Variants in HADHB observed in about 807,000 individuals in gnomAD.
HADHB encodes the protein trifunctional enzyme subunit beta, mitochondrial.
In HADHB, 50 loss-of-function variants were observed where a neutral mutation model predicts 61.9. The ratio of observed to expected loss-of-function variants is 0.81; its 90% CI spans 0.64 to 1.02. The LOEUF (loss-of-function observed/expected upper bound fraction) is 1.02, where lower values mean the gene tolerates loss of function less well. Among genes scored for constraint, HADHB ranks in the 50% least tolerant of loss-of-function variants. HADHB has a pLI of 0.00. For missense variants in HADHB, 504 were observed against 586.5 expected, an observed-to-expected ratio of 0.86 and a Z score of 1.45; for synonymous variants, 191 against 201.6, an observed-to-expected ratio of 0.95 and a Z score of 0.45.
Position 26,280,066 on chromosome 2 carries a change from C to T in HADHB, c.884C>T (p.Ala295Val). The change falls in exon 10 of 16, where the codon GCA becomes GTA. Residue 295 changes from alanine (A) to valine (V), a missense_variant. Transcript: ENST00000317799. ...GAGCAGATGGCCAAACTAAAACCTG[C>T]ATTCATCAAGCCCTACGGCACAGTG... ...SLEQMAKLKP[A>V]FIKPYGTVTA... 1 of 1,611,076 alleles carries T rather than the reference C, an allele frequency of 6.2e-7. No individual in the cohort carries two copies.
Position 26,263,602 on chromosome 2 carries a change from C to T in HADHB, c.209+123C>T, listed in dbSNP as rs1015173337. The T allele has an allele frequency of 8.2e-6, 6 of 728,562 alleles. No homozygotes were observed. The African/African-American group carries it at 1.0e-4, about 13-fold the overall frequency. 45.1% of individuals were successfully genotyped at this position (728,562 alleles called of 1,614,324 possible). A position where few individuals can be genotyped will look rare whatever the true frequency, so the allele number is the denominator to read the frequency against. On this transcript the variant is annotated intron_variant, in intron 4 of 15. Transcript: ENST00000317799. Reference sequence around the variant, plus strand: ...TGGACTAATATTTGGATAGCAGTCCCATGAAATTAATATAGAATAAGTCAA... The same window carrying T: ...TGGACTAATATTTGGATAGCAGTCCTATGAAATTAATATAGAATAAGTCAA...
At chr2:26,245,980 G>A (rs1671138023) in intron 1 of HADHB, among the ~76,000 whole-genome samples, 1 of 152,184 alleles carries the variant, frequency 6.6e-6, no homozygotes, top group Non-Finnish European at 1.5e-5. Flanking sequence ...AGGAAACAAG[G>A]GGCATCGAAG....
chr2:26,252,898 A>G (rs753062377), intron 1 of HADHB, among the ~76,000 whole-genome samples: 2 of 152,348 alleles, frequency 1.3e-5, no homozygotes, highest in East Asian at 3.9e-4. Flanking sequence ...TGCCCTCCCC[A>G]TGGACTGTGC....
intron 3 of HADHB, among the ~76,000 whole-genome samples, chr2:26,260,281 C>T (rs560204695): frequency 1.3e-5 from 2 of 152,018 alleles, no homozygotes; most frequent in East Asian, 1.9e-4. Context: ...GGGGTTTCAC[C>T]ATGTTGGCCA....
At chr2:26,245,528 G>C (rs1301506123) in intron 1 of HADHB, 4 of 152,100 alleles carry the variant, frequency 2.6e-5, no homozygotes, top group East Asian at 3.9e-4. Context: ...CTGCGCTCTC[G>C]GGGGTTTTCC....
In HADHB at chr2:26,269,948, C is replaced by T. The variant is rs763169112; in HGVS notation, c.210-5C>T. The stretch of plus-strand genomic sequence containing the variant: ...TGGTTTAAATTACTGGTTTTCGTTC[C>T]CCAGATATAAAGACCTGATGCCACA... On this transcript the variant is annotated splice_polypyrimidine_tract_variant and splice_region_variant and intron_variant, in intron 4 of 15. Transcript: ENST00000317799. The T allele has an allele frequency of 2.5e-6, 4 of 1,601,620 alleles. No homozygotes were observed. The South Asian group carries it at 4.4e-5, about 18-fold the overall frequency.
chr2:26,285,114 A>G (rs933245258), intron 14 of HADHB, among the ~76,000 whole-genome samples, 157 bp downstream of exon 14: 6 of 152,198 alleles, frequency 3.9e-5, no homozygotes, highest in Non-Finnish European at 5.9e-5. Flanking sequence ...TAAAAGTAGA[A>G]ATTCTTGTAT....
chr2:26,245,972 G>A (rs995702357), intron 1 of HADHB, among the ~76,000 whole-genome samples: 1 of 152,210 alleles, frequency 6.6e-6, no homozygotes, highest in Non-Finnish European at 1.5e-5. Flanking sequence ...TGCAGGACAG[G>A]AAACAAGGGG....
At chr2:26,265,666 C>T (rs1310402886) in intron 4 of HADHB, among the ~76,000 whole-genome samples, 2 of 152,166 alleles carry the variant, frequency 1.3e-5, no homozygotes, top group African/African-American at 4.8e-5. Context: ...TTTTATTAAA[C>T]ATTTGATGAT....
At chr2:26,249,110 TTTTG>T (rs979391874) in intron 1 of HADHB, among the ~76,000 whole-genome samples, 1 of 152,090 alleles carries the variant, frequency 6.6e-6, no homozygotes, top group Non-Finnish European at 1.5e-5. Flanking sequence ...ACATTATACA[TTTTG>T]TTTATTTGGC....
intron 15 of HADHB, among the ~76,000 whole-genome samples, chr2:26,286,646 G>T (rs1673043098): frequency 6.6e-6 from 1 of 151,726 alleles, no homozygotes; most frequent in Admixed American, 6.6e-5. Context: ...GGGATTACAG[G>T]TGCTCACCAC....
At chr2:26,247,608 C>A (rs911770185) in intron 1 of HADHB, among the ~76,000 whole-genome samples, 1 of 152,168 alleles carries the variant, frequency 6.6e-6, no homozygotes, top group African/African-American at 2.4e-5. Flanking sequence ...TCAGATTCAA[C>A]CAATGTCTGA....
At chr2:26,287,328 C>A (rs1673075799) in intron 15 of HADHB, among the ~76,000 whole-genome samples, 1 of 152,192 alleles carries the variant, frequency 6.6e-6, no homozygotes, top group Admixed American at 6.5e-5. Flanking sequence ...TTTATGATCA[C>A]AAATGCTTTT....
At chr2:26,263,160 A>G (rs1424933711) in intron 3 of HADHB, among the ~76,000 whole-genome samples, 1 of 152,032 alleles carries the variant, frequency 6.6e-6, no homozygotes, top group Non-Finnish European at 1.5e-5. Context: ...TTAGCTGGGC[A>G]TGATGGCAGG....
In HADHB at chr2:26,245,713, T is replaced by C. The variant is rs143296342; in HGVS notation, c.-9+723T>C. Among the ~76,000 whole-genome samples the C allele has an allele frequency of 9.7e-4, 147 of 152,242 alleles. 1 individual carries two copies. The highest frequency in any genetic ancestry group is 3.4e-3 in the African/African-American group (142 of 41,544). On this transcript the variant is annotated intron_variant, in intron 1 of 15. Transcript: ENST00000317799. ...GTTCTTCATTGCATGGTAGCTGTTT[T>C]TGTGCTGGAATGATGGGCTGGAGTC...
intron 1 of HADHB, among the ~76,000 whole-genome samples, chr2:26,249,573 A>AG (rs1292525076): frequency 1.3e-5 from 2 of 151,944 alleles, no homozygotes; most frequent in Non-Finnish European, 2.9e-5. Flanking sequence ...GCACAATGAG[A>AG]GGTTGGGTTT....
chr2:26,285,739 G>GTTTTTTTTTTTTTTGTTTTTTTTTT (rs1553323308), intron 15 of HADHB, among the ~76,000 whole-genome samples, 168 bp downstream of exon 15: 1 of 65,080 alleles, frequency 1.5e-5, no homozygotes, highest in African/African-American at 6.6e-5. Context: ...TGTTTTTTGG[G>GTTTTTTTTTTTTTTGTTTTTTTTTT]TTTTTTTTTT....
chr2:26,264,164 C>T (rs893554719), intron 4 of HADHB, among the ~76,000 whole-genome samples: 3 of 151,980 alleles, frequency 2.0e-5, no homozygotes, highest in African/African-American at 4.8e-5. Flanking sequence ...AAAAATGCTG[C>T]GGAATGTTAG....
intron 1 of HADHB, among the ~76,000 whole-genome samples, chr2:26,249,708 C>T (rs1207557243): frequency 6.6e-6 from 1 of 151,750 alleles, no homozygotes; most frequent in African/African-American, 2.4e-5. Flanking sequence ...GTAGCCATGC[C>T]AGGCCTCAGA....
Sources: allele counts gnomAD v4.1 joint callset (sites outside exome capture counted in the v4.1 genomes callset), GRCh38; gene constraint gnomAD v4.1.1; transcripts MANE v1.5; gene names NCBI Gene and HGNC (gene_info 2026-07-23, HGNC 2026-07-21).